Variants in TMEM17 observed in about 807,000 individuals in gnomAD.
TMEM17 encodes transmembrane protein 17.
TMEM17 carries 15 observed loss-of-function variants against 19.1 expected under a neutral mutation model. That is an observed-to-expected ratio of 0.78 (90% CI 0.52 to 1.21). TMEM17 has a LOEUF of 1.21. TMEM17 is among the 50% of genes most tolerant of loss of function. The pLI, the probability that TMEM17 is intolerant of heterozygous loss-of-function variation, is 0.00. For synonymous variants in TMEM17, 103 were observed against 86.9 expected (o/e 1.19, Z -1.03); for missense variants, 245 against 242.3 (o/e 1.01, Z -0.07).
chr2:62,475,844 A>G, the TMEM17 span, among the ~76,000 whole-genome samples: 2 of 152,330 alleles, frequency 1.3e-5, no homozygotes, highest in African/African-American at 4.8e-5. Context: ...GGCTGTGCAG[A>G]CCAATGCTGC....
the TMEM17 span, among the ~76,000 whole-genome samples, chr2:62,474,232 A>C: frequency 6.6e-6 from 1 of 152,358 alleles, no homozygotes; most frequent in East Asian, 1.9e-4. Flanking sequence ...CAAAACTTCC[A>C]AAATAGTTCA....
chr2:62,496,568 T>G (rs968593424), downstream of TMEM17, among the ~76,000 whole-genome samples: 1 of 152,192 alleles, frequency 6.6e-6, no homozygotes, highest in South Asian at 2.1e-4. Flanking sequence ...GTGCTTATGA[T>G]CACAACTGTG....
At chr2:62,474,644 G>A in the TMEM17 span, among the ~76,000 whole-genome samples, 6 of 152,214 alleles carry the variant, frequency 3.9e-5, no homozygotes, top group African/African-American at 1.2e-4. Context: ...TCAGAGGGCC[G>A]GTGAACCCAT....
chr2:62,457,004 T>C, the TMEM17 span, among the ~76,000 whole-genome samples: 1 of 152,128 alleles, frequency 6.6e-6, no homozygotes, highest in Non-Finnish European at 1.5e-5. The surrounding 1 kb of genome is among the most constrained non-coding windows in gnomAD (Gnocchi z 4.2). Context: ...GGCCGGGTGC[T>C]GCTGCTGCCC....
chr2:62,482,022 G>C, the TMEM17 span, among the ~76,000 whole-genome samples: 1 of 152,202 alleles, frequency 6.6e-6, no homozygotes, highest in South Asian at 2.1e-4. Flanking sequence ...CTGGAAGTTG[G>C]AGAAGCTGAA....
the TMEM17 span, among the ~76,000 whole-genome samples, chr2:62,469,541 A>G: frequency 1.3e-5 from 2 of 152,254 alleles, no homozygotes; most frequent in African/African-American, 4.8e-5. Flanking sequence ...CCTCACTTTC[A>G]GAGCTCTTTC....
At chr2:62,472,341 C>T in the TMEM17 span, among the ~76,000 whole-genome samples, 1 of 152,158 alleles carries the variant, frequency 6.6e-6, no homozygotes, top group African/African-American at 2.4e-5. Context: ...TTCCCTGCAG[C>T]CTGGAATGAG....
Position 62,502,542 on chromosome 2 carries a change from G to A in TMEM17, c.213C>T (p.Ile71=). The A allele has an allele frequency of 6.3e-7, 1 of 1,581,982 alleles. No homozygotes were observed. Among genetic ancestry groups the A allele is most frequent in the Non-Finnish European group, 8.6e-7 (1 of 1,158,984 alleles). Residue 71 remains isoleucine, a synonymous_variant, in exon 3 of 4, where the codon ATC becomes ATT. Coordinates refer to ENST00000335390, the MANE Select transcript of TMEM17 (RefSeq NM_198276.3). ...CAATGAATTTGTAGTAGTCAGGTAAGATTGAATACTAAAAGAAAAGCCAAA... is the reference window on the plus strand; with the variant it reads ...CAATGAATTTGTAGTAGTCAGGTAAAATTGAATACTAAAAGAAAAGCCAAA... ...SIMMLHMKYS[I]LPDYYKFIVI...
the TMEM17 span, among the ~76,000 whole-genome samples, chr2:62,477,457 A>G: frequency 2.6e-5 from 4 of 152,194 alleles, no homozygotes; most frequent in Non-Finnish European, 5.9e-5. Flanking sequence ...AGAGGCATTC[A>G]TCTGCAGCTC....
chr2:62,491,487 CA>C, the TMEM17 span: 2 of 152,828 alleles, frequency 1.3e-5, no homozygotes, highest in Non-Finnish European at 2.9e-5. Context: ...AACAAACAAA[CA>C]AACAACAACA....
chr2:62,455,951 C>T, the TMEM17 span, among the ~76,000 whole-genome samples: 1 of 152,184 alleles, frequency 6.6e-6, no homozygotes, highest in African/African-American at 2.4e-5. Flanking sequence ...TGCCCTAATG[C>T]TAATGATTTT....
At chr2:62,461,342 G>T in the TMEM17 span, among the ~76,000 whole-genome samples, 1 of 152,176 alleles carries the variant, frequency 6.6e-6, no homozygotes, top group Non-Finnish European at 1.5e-5. Context: ...AGTGCAGCTT[G>T]CCCTCAGCCG....
chr2:62,455,704 T>A, the TMEM17 span, among the ~76,000 whole-genome samples: 1 of 152,156 alleles, frequency 6.6e-6, no homozygotes, highest in Non-Finnish European at 1.5e-5. Context: ...AAGGCAGAGG[T>A]TGCAGTGAGC....
chr2:62,506,076 C>T lies in TMEM17; in HGVS notation c.54G>A (p.Val18=), dbSNP rs758254535. The T allele has an allele frequency of 6.2e-7, 1 of 1,610,770 alleles. No homozygotes were observed. The highest frequency in any genetic ancestry group is 2.3e-5 in the East Asian group (1 of 44,422). The change falls in exon 1 of 4, where the codon GTG becomes GTA. Residue 18 remains valine (V), a synonymous_variant. Coordinates refer to ENST00000335390, the MANE Select transcript of TMEM17 (RefSeq NM_198276.3). The part of the protein sequence containing the change: ...RQRLGNFSRA[V]FSDSNRTGPE... ...GACCGGTCCGATTGGAATCACTGAA[C>T]ACGGCCCGGCTGAAGTTTCCCAGCC...
chr2:62,502,828 A>G, intron 1 of TMEM17, 34 bp from the exon 2 acceptor site: 2 of 1,411,898 alleles, frequency 1.4e-6, no homozygotes, highest in South Asian at 2.5e-5. Context: ...CAAATGATGA[A>G]TCTTGGGTTT....
the TMEM17 span, among the ~76,000 whole-genome samples, chr2:62,485,875 C>G: frequency 2.0e-5 from 3 of 152,198 alleles, no homozygotes; most frequent in East Asian, 5.8e-4. Flanking sequence ...TCCCTCCACC[C>G]TCTTGTACAG....
At chr2:62,485,524 C>G in the TMEM17 span, among the ~76,000 whole-genome samples, 3 of 152,222 alleles carry the variant, frequency 2.0e-5, no homozygotes, top group South Asian at 2.1e-4. Flanking sequence ...TATTTTCCAC[C>G]ACGACTTTGC....
intron 1 of TMEM17, among the ~76,000 whole-genome samples, 188 bp downstream of exon 1, chr2:62,505,842 G>C (rs1226490679): frequency 6.6e-6 from 1 of 152,224 alleles, no homozygotes; most frequent in Non-Finnish European, 1.5e-5. Flanking sequence ...CCCGGCCGGG[G>C]GCGGGAGGCC....
the TMEM17 span, among the ~76,000 whole-genome samples, chr2:62,461,776 C>A: frequency 6.6e-6 from 1 of 152,306 alleles, no homozygotes; most frequent in African/African-American, 2.4e-5. Context: ...TCGGAAGCAG[C>A]CCCACACCTT....
Sources: allele counts gnomAD v4.1 joint callset (sites outside exome capture counted in the v4.1 genomes callset), GRCh38; gene constraint gnomAD v4.1.1; non-coding constraint Gnocchi (gnomAD v3.1); transcripts MANE v1.5; gene names NCBI Gene and HGNC (gene_info 2026-07-23, HGNC 2026-07-21).